SAMD5: variants seen among roughly 807,000 people sequenced by gnomAD.
The protein encoded by SAMD5 is sterile alpha motif domain-containing protein 5.
A neutral mutation model predicts 11.3 loss-of-function variants in SAMD5; 13 were observed. The ratio of observed to expected loss-of-function variants is 1.15; its 90% CI spans 0.75 to 1.83. The LOEUF (loss-of-function observed/expected upper bound fraction) is 1.83. SAMD5 is among the 40% of genes most tolerant of loss of function. The pLI is 0.00. For missense variants in SAMD5, 255 were observed against 239.1 expected (o/e 1.07, Z -0.44); for synonymous variants, 129 against 111.3 (o/e 1.16, Z -1.00).
chr6:147,793,603 T>C, the SAMD5 span, among the ~76,000 whole-genome samples: 3 of 152,216 alleles, frequency 2.0e-5, no homozygotes, highest in Non-Finnish European at 4.4e-5. Flanking sequence ...TATTATTTTA[T>C]TGTATGGATG....
At chr6:147,787,947 G>T in the SAMD5 span, among the ~76,000 whole-genome samples, 1 of 152,184 alleles carries the variant, frequency 6.6e-6, no homozygotes, top group Non-Finnish European at 1.5e-5. Context: ...TGTCAAAGGA[G>T]AACATATTTG....
intron 1 of SAMD5, among the ~76,000 whole-genome samples, chr6:147,563,068 A>G (rs1409621309): frequency 6.6e-6 from 1 of 152,194 alleles, no homozygotes; most frequent in Non-Finnish European, 1.5e-5. Context: ...TAGTAGTAGG[A>G]TATCGTTACT....
chr6:147,678,499 A>T (rs1562349682), intron 1 of SAMD5, among the ~76,000 whole-genome samples: 2 of 152,322 alleles, frequency 1.3e-5, no homozygotes, highest in Middle Eastern at 6.8e-3. Flanking sequence ...GCTGTAACAT[A>T]AGTAATAAAT....
chr6:147,870,876 G>C, the SAMD5 span, among the ~76,000 whole-genome samples: 7 of 151,960 alleles, frequency 4.6e-5, no homozygotes, highest in Non-Finnish European at 1.5e-5. Flanking sequence ...GCTCATCCAG[G>C]CTTATGAAAT....
chr6:147,574,756 T>C (rs1342253339), downstream of SAMD5, among the ~76,000 whole-genome samples: 1 of 152,188 alleles, frequency 6.6e-6, no homozygotes, highest in Non-Finnish European at 1.5e-5. Flanking sequence ...ACTGAATGTT[T>C]TGTGAAGCCT....
the SAMD5 span, among the ~76,000 whole-genome samples, chr6:147,790,795 TCTC>T: frequency 9.0e-6 from 1 of 111,312 alleles, no homozygotes; most frequent in African/African-American, 4.1e-5. Context: ...TCTCTCTCTC[TCTC>T]TCTCTCTCTC....
the SAMD5 span, among the ~76,000 whole-genome samples, chr6:147,871,295 A>T: frequency 9.2e-5 from 14 of 152,220 alleles, no homozygotes; most frequent in South Asian, 2.1e-3. Context: ...CATATGACAA[A>T]TTTTTTTCTT....
chr6:147,804,717 A>G, the SAMD5 span, among the ~76,000 whole-genome samples: 2 of 152,242 alleles, frequency 1.3e-5, no homozygotes, highest in Non-Finnish European at 2.9e-5. Context: ...GCTGCGTAAC[A>G]TTATGAGGTT....
the SAMD5 span, among the ~76,000 whole-genome samples, chr6:147,909,606 TTCTTTCTTTCTTTCTTTCTTTCTTTC>T: frequency 2.1e-3 from 116 of 54,644 alleles, 5 homozygotes; most frequent in African/African-American, 5.9e-3. Context: ...CTTTCTTTCT[TTCTTTCTTTCTTTCTTTCTTTCTTTC>T]TCTTTCTTGT....
chr6:147,794,905 T>TAG, the SAMD5 span, among the ~76,000 whole-genome samples: 1 of 151,942 alleles, frequency 6.6e-6, no homozygotes, highest in Non-Finnish European at 1.5e-5. Flanking sequence ...GATGAACAGT[T>TAG]AGAGATCCTT....
chr6:147,587,753 G>A (rs844561), intron 1 of SAMD5, among the ~76,000 whole-genome samples: 2 of 151,828 alleles, frequency 1.3e-5, no homozygotes, highest in African/African-American at 2.4e-5. Flanking sequence ...AGGACTTTTC[G>A]TCTTCTGGGC....
chr6:147,684,561 T>A (rs1039739369), intron 1 of SAMD5, among the ~76,000 whole-genome samples: 1 of 152,192 alleles, frequency 6.6e-6, no homozygotes, highest in African/African-American at 2.4e-5. Flanking sequence ...TAACTCAATT[T>A]ACACTCCCAC....
At chr6:147,915,968 G>A in the SAMD5 span, among the ~76,000 whole-genome samples, 40 of 137,690 alleles carry the variant, frequency 2.9e-4, no homozygotes, top group African/African-American at 9.7e-4. Flanking sequence ...GTTCTCACTC[G>A]TCAATTCCCA....
At chr6:147,598,307 T>C (rs1789566134) in intron 1 of SAMD5, among the ~76,000 whole-genome samples, 1 of 152,018 alleles carries the variant, frequency 6.6e-6, no homozygotes, top group Non-Finnish European at 1.5e-5. Context: ...GTATTTTTTG[T>C]AGAGACAGGG....
At chr6:147,639,070 C>A (rs908626116) in intron 1 of SAMD5, among the ~76,000 whole-genome samples, 3 of 152,124 alleles carry the variant, frequency 2.0e-5, no homozygotes, top group African/African-American at 7.2e-5. Flanking sequence ...TAAAGATAGA[C>A]AAGGCGGAGT....
chr6:147,905,892 A>T, the SAMD5 span, among the ~76,000 whole-genome samples: 1 of 152,148 alleles, frequency 6.6e-6, no homozygotes, highest in African/African-American at 2.4e-5. Flanking sequence ...AGTTGTTTTG[A>T]TATGTTGCAA....
intron 1 of SAMD5, among the ~76,000 whole-genome samples, chr6:147,515,875 T>C (rs1464108099): frequency 6.6e-6 from 1 of 152,180 alleles, no homozygotes; most frequent in Admixed American, 6.5e-5. Flanking sequence ...GTAAAGATAA[T>C]GAATGATGAA....
intron 1 of SAMD5, among the ~76,000 whole-genome samples, chr6:147,735,920 T>G (rs1791796789): frequency 6.6e-6 from 1 of 152,182 alleles, no homozygotes; most frequent in African/African-American, 2.4e-5. Context: ...CAAAACCTGC[T>G]CTTTCTCAGT....
chr6:147,787,955 T>C, the SAMD5 span, among the ~76,000 whole-genome samples: 1 of 152,194 alleles, frequency 6.6e-6, no homozygotes, highest in African/African-American at 2.4e-5. Flanking sequence ...GAGAACATAT[T>C]TGGCTTACAT....
Sources: gnomAD v4.1 joint callset for allele counts (sites outside exome capture counted in the v4.1 genomes callset) on GRCh38, gnomAD v4.1.1 for gene constraint, MANE v1.5 for transcripts, NCBI Gene and HGNC (gene_info 2026-07-23, HGNC 2026-07-21) for gene names.